Variants in PPM1L observed in about 807,000 individuals in gnomAD.
PPM1L encodes protein phosphatase, Mg2+/Mn2+ dependent 1L, also known as protein phosphatase 1L.
A neutral mutation model predicts 31.4 loss-of-function variants in PPM1L; 13 were observed. That is an observed-to-expected ratio of 0.41 (90% CI 0.27 to 0.66). The LOEUF (loss-of-function observed/expected upper bound fraction) is 0.66. Ranked by LOEUF, PPM1L falls within the 30% of genes least tolerant of loss-of-function variation. The pLI is 0.29. For synonymous variants in PPM1L, 184 were observed against 175.4 expected (o/e 1.05, Z -0.39); for missense variants, 326 against 453.7 (o/e 0.72, Z 2.56).
chr3:161,078,449 T>C lies in PPM1L; in HGVS notation c.*9292T>C, dbSNP rs1444600147. On this transcript the variant is annotated 3_prime_UTR_variant, in exon 4 of 4. Coordinates refer to ENST00000498165, the MANE Select transcript of PPM1L (RefSeq NM_139245.4). ...TCTATAATTTATTGGCAATACTTTATTTTAGGAATCTTCAAATTGTACTTA... is the reference window on the plus strand; with the variant it reads ...TCTATAATTTATTGGCAATACTTTACTTTAGGAATCTTCAAATTGTACTTA... The C allele has an allele frequency of 1.3e-5, 2 of 152,230 alleles. No homozygotes were observed. The highest frequency in any genetic ancestry group is 2.4e-5 in the African/African-American group (1 of 41,458). 9.4% of individuals were successfully genotyped at this position (152,230 alleles called of 1,614,324 possible).
intron 1 of PPM1L, among the ~76,000 whole-genome samples, chr3:160,909,760 G>T (rs190082678): frequency 6.6e-6 from 1 of 152,258 alleles, no homozygotes; most frequent in Non-Finnish European, 1.5e-5. Context: ...CCAAGGAGTC[G>T]GGGAGTTTTT....
chr3:160,955,593 G>A (rs1191630082), intron 1 of PPM1L, among the ~76,000 whole-genome samples: 1 of 151,264 alleles, frequency 6.6e-6, no homozygotes, highest in African/African-American at 2.4e-5. Context: ...AACAGTTCAA[G>A]CCTAATATGT....
intron 1 of PPM1L, among the ~76,000 whole-genome samples, chr3:160,853,737 A>G (rs2108115009): frequency 6.6e-6 from 1 of 152,348 alleles, no homozygotes; most frequent in South Asian, 2.1e-4. Flanking sequence ...TCAAATAAAT[A>G]ATCTATAAGG....
At chr3:160,910,025 C>T (rs1307878257) in intron 1 of PPM1L, among the ~76,000 whole-genome samples, 1 of 152,108 alleles carries the variant, frequency 6.6e-6, no homozygotes, top group Non-Finnish European at 1.5e-5. Flanking sequence ...TAGGTCTTGT[C>T]ATGAATATTA....
chr3:160,919,181 A>G (rs1323773072), intron 1 of PPM1L, among the ~76,000 whole-genome samples: 3 of 152,352 alleles, frequency 2.0e-5, no homozygotes, highest in Non-Finnish European at 4.4e-5. Context: ...GAAGTGTTGG[A>G]TTAGACAGGT....
At chr3:160,947,040 A>G (rs1341158721) in intron 1 of PPM1L, among the ~76,000 whole-genome samples, 1 of 152,218 alleles carries the variant, frequency 6.6e-6, no homozygotes, top group South Asian at 2.1e-4. Flanking sequence ...AGTTGCCAAC[A>G]CTAAAGCAGC....
rs548733030 is a variant in PPM1L at position 161,003,643 on chromosome 3, C to G, written c.574+41733C>G. ...ACTCATGATTTGGTTCTCTGTTTGT[C>G]TGTTGTTGGTGTATAAGAAGGCTTG... On this transcript the variant is annotated intron_variant, in intron 2 of 3. Coordinates refer to ENST00000498165, the MANE Select transcript of PPM1L (RefSeq NM_139245.4). 8.2e-4 allele frequency among the ~76,000 whole-genome samples: 125 copies of G among 152,186 alleles called. 1 individual carries two copies. The highest frequency in any genetic ancestry group is 3.0e-3 in the African/African-American group (123 of 41,506).
intron 2 of PPM1L, among the ~76,000 whole-genome samples, chr3:161,046,711 T>C (rs930607324): frequency 6.6e-6 from 1 of 152,134 alleles, no homozygotes; most frequent in African/African-American, 2.4e-5. Flanking sequence ...GCAAACCGAA[T>C]CCAGCAGCAC....
At chr3:160,803,071 A>G (rs1190687047) in intron 1 of PPM1L, among the ~76,000 whole-genome samples, 1 of 152,248 alleles carries the variant, frequency 6.6e-6, no homozygotes, top group Non-Finnish European at 1.5e-5. Flanking sequence ...TGGCTGCAGC[A>G]TTAAGGCGAA....
intron 1 of PPM1L, among the ~76,000 whole-genome samples, chr3:160,917,279 C>G (rs924967583): frequency 3.3e-5 from 5 of 152,190 alleles, no homozygotes; most frequent in African/African-American, 7.2e-5. Flanking sequence ...AGAAATCTCT[C>G]AATCTGCTAG....
At chr3:160,877,565 G>A (rs1712560584) in intron 1 of PPM1L, among the ~76,000 whole-genome samples, 3 of 151,942 alleles carry the variant, frequency 2.0e-5, no homozygotes, top group South Asian at 2.1e-4. Flanking sequence ...TAGAGTATGC[G>A]GACACATGAG....
rs1376177749 is a variant in PPM1L, at chr3:160,922,119, G to A, written c.400-39617G>A. On this transcript the variant is annotated intron_variant, in intron 1 of 3. Transcript: ENST00000498165. ...AGGTCAGGAGATCAAGACCATCCTG[G>A]CTAACACGGTGAAACCCCATCTCTG... Among the ~76,000 whole-genome samples, 7 of 152,074 alleles carry A rather than the reference G, an allele frequency of 4.6e-5. No individual in the cohort carries two copies. The East Asian group carries it at 7.7e-4, about 17-fold the overall frequency.
intron 2 of PPM1L, among the ~76,000 whole-genome samples, chr3:161,020,356 C>G (rs1718207036): frequency 6.6e-6 from 1 of 152,034 alleles, no homozygotes; most frequent in Non-Finnish European, 1.5e-5. Context: ...AGGAGACAGT[C>G]AAGTAGCAAG....
At chr3:160,913,797 G>A (rs1223684336) in intron 1 of PPM1L, among the ~76,000 whole-genome samples, 1 of 152,026 alleles carries the variant, frequency 6.6e-6, no homozygotes, top group Non-Finnish European at 1.5e-5. Context: ...TATTCATTCA[G>A]ATACTGATGG....
chr3:161,033,503 A>T (rs1414439381), intron 2 of PPM1L, among the ~76,000 whole-genome samples: 2 of 152,324 alleles, frequency 1.3e-5, no homozygotes, highest in East Asian at 3.9e-4. Context: ...ATATAGACCA[A>T]TGGAACAGAA....
intron 2 of PPM1L, among the ~76,000 whole-genome samples, chr3:161,028,501 C>T (rs1441555607): frequency 6.6e-6 from 1 of 152,054 alleles, no homozygotes; most frequent in Non-Finnish European, 1.5e-5. Context: ...GAAGAAGAAG[C>T]TTCTGCAAAG....
intron 1 of PPM1L, among the ~76,000 whole-genome samples, chr3:160,957,670 C>G (rs763006098): frequency 1.6e-4 from 25 of 151,784 alleles, no homozygotes; most frequent in Non-Finnish European, 2.9e-4. Context: ...CTCCGCCTCC[C>G]AGGTTCACCC....
At chr3:161,002,318 A>G (rs1378754263) in intron 2 of PPM1L, among the ~76,000 whole-genome samples, 1 of 152,170 alleles carries the variant, frequency 6.6e-6, no homozygotes, top group Non-Finnish European at 1.5e-5. Context: ...GTGTCTTCAT[A>G]GCAGCATGAT....
rs182155412 is a variant in PPM1L, at chr3:160,975,779, A to G, written c.574+13869A>G. Among the ~76,000 whole-genome samples the G allele has an allele frequency of 4.2e-3, 636 of 152,120 alleles. 5 individuals are homozygous for G. The highest frequency in any genetic ancestry group is 0.014 in the African/African-American group (600 of 41,474). On this transcript the variant is annotated intron_variant, in intron 2 of 3. Coordinates refer to ENST00000498165, the MANE Select transcript of PPM1L (RefSeq NM_139245.4). ...CAGCTTAAGGAGATTTTGGGCTGAG[A>G]CAATGGGGTTTTCTAGATATACAAT... is the stretch of plus-strand genomic sequence containing the variant.
Sources: allele counts gnomAD v4.1 joint callset (sites outside exome capture counted in the v4.1 genomes callset), GRCh38; gene constraint gnomAD v4.1.1; transcripts MANE v1.5; gene names NCBI Gene and HGNC (gene_info 2026-07-23, HGNC 2026-07-21).